CAST: variants seen among roughly 807,000 people sequenced by gnomAD.
The protein encoded by CAST is calpastatin, also known as MIR583 host.
Under a neutral mutation model 119.6 loss-of-function variants are expected in CAST, and 76 were observed. The observed-to-expected ratio is 0.64, with a 90% CI of 0.53 to 0.77. The LOEUF is 0.77. Ranked by LOEUF, CAST falls within the 30% of genes least tolerant of loss-of-function variation. The probability of loss-of-function intolerance (pLI) is 0.00; values close to 1 mark genes in which losing one functional copy is unlikely to be tolerated. For missense variants in CAST, 953 were observed against 946.5 expected (o/e 1.01, Z -0.09); for synonymous variants, 319 against 331.6 (o/e 0.96, Z 0.41).
At chr5:96,044,175 G>A in the CAST span, among the ~76,000 whole-genome samples, 6 of 152,308 alleles carry the variant, frequency 3.9e-5, no homozygotes, top group East Asian at 1.9e-4. Context: ...TGGGAAAATC[G>A]TTCAGCAGTG....
At chr5:96,766,380 C>T (rs1769980782) in intron 27 of CAST, among the ~76,000 whole-genome samples, 1 of 152,286 alleles carries the variant, frequency 6.6e-6, no homozygotes, top group Admixed American at 6.5e-5. Flanking sequence ...ACTGTTCAGT[C>T]ACTCACAGAT....
the CAST span, among the ~76,000 whole-genome samples, chr5:96,107,411 C>T: frequency 1.1e-4 from 16 of 151,834 alleles, no homozygotes; most frequent in African/African-American, 2.4e-4. Context: ...TCTTTTAGGG[C>T]GGGCCTGGTG....
chr5:95,981,613 C>T, the CAST span, among the ~76,000 whole-genome samples: 5 of 152,172 alleles, frequency 3.3e-5, no homozygotes, highest in South Asian at 2.1e-4. Context: ...CAGTGGCTCA[C>T]GCCTGTAATC....
intron 1 of CAST, among the ~76,000 whole-genome samples, chr5:96,534,739 G>GAGAGAGAAAGAA (rs1745757908): frequency 8.8e-5 from 2 of 22,674 alleles, no homozygotes; most frequent in Admixed American, 5.2e-4. Context: ...GAGAGAGAGA[G>GAGAGAGAAAGAA]AGAAAGAAAG....
chr5:96,227,974 C>A, the CAST span, among the ~76,000 whole-genome samples: 1 of 151,546 alleles, frequency 6.6e-6, no homozygotes, highest in South Asian at 2.1e-4. Context: ...ACCGATTTCA[C>A]ATTTTTTGTA....
chr5:96,588,237 C>T (rs1746895022), intron 1 of CAST, among the ~76,000 whole-genome samples: 1 of 101,966 alleles, frequency 9.8e-6, no homozygotes, highest in Non-Finnish European at 1.7e-5. Context: ...GAGTCTCACT[C>T]TGTTGCCAGG....
At chr5:96,188,355 A>G in the CAST span, among the ~76,000 whole-genome samples, 3 of 152,092 alleles carry the variant, frequency 2.0e-5, no homozygotes, top group African/African-American at 7.2e-5. Context: ...AATAAGTTAT[A>G]TTATTATTTC....
At chr5:96,546,766 A>G (rs1746028079) in intron 1 of CAST, among the ~76,000 whole-genome samples, 1 of 152,214 alleles carries the variant, frequency 6.6e-6, no homozygotes, top group Admixed American at 6.5e-5. Context: ...AAAAAGGCCC[A>G]TCGAGTATTG....
intron 3 of CAST, chr5:96,702,837 C>T (rs931408408): frequency 3.7e-5 from 36 of 985,358 alleles, no homozygotes; most frequent in African/African-American, 1.7e-5. Flanking sequence ...AAGCGGAAAC[C>T]GCGGGAGCCG....
intron 1 of CAST, among the ~76,000 whole-genome samples, chr5:96,535,670 T>G: frequency 1.4e-5 from 2 of 147,542 alleles, no homozygotes; most frequent in Non-Finnish European, 3.0e-5. Flanking sequence ...GCCTCCTGGG[T>G]TAACGCCATT....
chr5:96,222,232 C>T, the CAST span, among the ~76,000 whole-genome samples: 2 of 151,958 alleles, frequency 1.3e-5, no homozygotes, highest in East Asian at 3.9e-4. Flanking sequence ...CTCAAAAGCA[C>T]AGCCAACTAA....
At chr5:96,312,964 A>G in the CAST span, among the ~76,000 whole-genome samples, 8 of 152,114 alleles carry the variant, frequency 5.3e-5, no homozygotes, top group Admixed American at 4.6e-4. Context: ...ATTACATACT[A>G]TGGATGTTGT....
intron 20 of CAST, among the ~76,000 whole-genome samples, chr5:96,751,999 C>G (rs1186505478): frequency 6.6e-6 from 1 of 152,124 alleles, no homozygotes; most frequent in African/African-American, 2.4e-5. Flanking sequence ...GATTGTGACA[C>G]CCTCGAACGC....
the CAST span, among the ~76,000 whole-genome samples, chr5:96,164,786 A>G: frequency 6.6e-6 from 1 of 152,206 alleles, no homozygotes; most frequent in Non-Finnish European, 1.5e-5. Flanking sequence ...AAGAATGCAA[A>G]TAAATGCCAT....
the CAST span, among the ~76,000 whole-genome samples, chr5:96,156,316 C>A: frequency 6.6e-6 from 1 of 152,150 alleles, no homozygotes; most frequent in Non-Finnish European, 1.5e-5. Flanking sequence ...GAGCCCTGGG[C>A]AGCACATTAT....
At chr5:96,359,388 G>A in the CAST span, among the ~76,000 whole-genome samples, 3 of 152,138 alleles carry the variant, frequency 2.0e-5, no homozygotes, top group East Asian at 3.8e-4. Flanking sequence ...ATGCTAGCTG[G>A]TTATTTTGCC....
chr5:96,171,523 C>T, the CAST span, among the ~76,000 whole-genome samples: 1,144 of 152,290 alleles, frequency 7.5e-3, 11 homozygotes, highest in South Asian at 0.014. Flanking sequence ...GCAGGCGTCC[C>T]GGCGGTGATC....
intron 3 of CAST, among the ~76,000 whole-genome samples, chr5:96,701,905 TA>T (rs1354234837): frequency 6.6e-6 from 1 of 151,618 alleles, no homozygotes; most frequent in Non-Finnish European, 1.5e-5. Context: ...TTGACAGAAA[TA>T]AAAGACAAAA....
chr5:96,533,554 G>A (rs1046483184), intron 1 of CAST, among the ~76,000 whole-genome samples: 5 of 152,122 alleles, frequency 3.3e-5, no homozygotes, highest in African/African-American at 9.7e-5. Context: ...CATAAGCAAT[G>A]GTGGCCAAAA....
Sources: gnomAD v4.1 joint callset for allele counts (sites outside exome capture counted in the v4.1 genomes callset) on GRCh38, gnomAD v4.1.1 for gene constraint, MANE v1.5 for transcripts, NCBI Gene and HGNC (gene_info 2026-07-23, HGNC 2026-07-21) for gene names.